The following ADD3 variants were observed in gnomAD, a reference collection of about 807,000 sequenced individuals.
The protein encoded by ADD3 is adducin 3.
Under a neutral mutation model 80.2 loss-of-function variants are expected in ADD3, and 25 were observed. The observed-to-expected ratio is 0.31, with a 90% CI of 0.23 to 0.44. The LOEUF (loss-of-function observed/expected upper bound fraction) is 0.44. Among genes scored for constraint, ADD3 ranks in the 20% least tolerant of loss-of-function variants. The pLI is 1.00. For synonymous variants in ADD3, 284 were observed against 289.6 expected (o/e 0.98, Z 0.20); for missense variants, 829 against 847.5 (o/e 0.98, Z 0.27).
chr10:110,130,217 C>T, intron 12 of ADD3, 146 bp from the exon 13 acceptor site: 1 of 780,994 alleles, frequency 1.3e-6, no homozygotes, highest in Non-Finnish European at 2.0e-6. Flanking sequence ...TTAAACAAAG[C>T]ATGTTACCTT....
intron 1 of ADD3, among the ~76,000 whole-genome samples, chr10:110,025,957 G>A (rs1159271299): frequency 6.6e-5 from 10 of 152,082 alleles, no homozygotes; most frequent in African/African-American, 2.2e-4. Flanking sequence ...ATTTGGGAAA[G>A]TTTTGTGAAG....
intron 1 of ADD3, among the ~76,000 whole-genome samples, chr10:110,032,222 A>G (rs764325856): frequency 3.3e-5 from 5 of 152,232 alleles, no homozygotes; most frequent in Non-Finnish European, 5.9e-5. Context: ...ATGTAATCCT[A>G]GGTCATCTCT....
chr10:110,092,893 T>A (rs1335996971), intron 1 of ADD3, among the ~76,000 whole-genome samples: 1 of 152,200 alleles, frequency 6.6e-6, no homozygotes, highest in East Asian at 1.9e-4. Flanking sequence ...AGAGTCTCAC[T>A]CTGTCACCCA....
chr10:110,024,776 T>C (rs1394011685), intron 1 of ADD3, among the ~76,000 whole-genome samples: 1 of 152,244 alleles, frequency 6.6e-6, no homozygotes, highest in Non-Finnish European at 1.5e-5. Context: ...TTAAACTTAC[T>C]ATTTGAATCA....
At chr10:110,123,690 A>G (rs1851795504) in intron 9 of ADD3, 1 of 221,038 alleles carries the variant, frequency 4.5e-6, no homozygotes, top group Admixed American at 5.1e-5. Context: ...CAGAGACTTA[A>G]ATGAGCACTG....
intron 5 of ADD3, among the ~76,000 whole-genome samples, chr10:110,118,096 CA>C (rs1446455024): frequency 6.0e-4 from 90 of 148,828 alleles, no homozygotes; most frequent in Non-Finnish European, 2.1e-4. Flanking sequence ...TAGATTTAAA[CA>C]AAGTTCAGCT....
At chr10:110,122,525 T>A (rs1490501588) in intron 9 of ADD3, among the ~76,000 whole-genome samples, 1 of 152,110 alleles carries the variant, frequency 6.6e-6, no homozygotes, top group Non-Finnish European at 1.5e-5. Flanking sequence ...CATAGTACAA[T>A]ATATCTCTTG....
chr10:109,997,681 T>G (rs1011634283), intron 1 of ADD3: 1 of 152,264 alleles, frequency 6.6e-6, no homozygotes, highest in Non-Finnish European at 1.5e-5. Context: ...GGAATGCCAT[T>G]GAATTCTTAA....
chr10:110,051,984 A>T (rs1465605400), intron 1 of ADD3, among the ~76,000 whole-genome samples: 2 of 152,066 alleles, frequency 1.3e-5, no homozygotes, highest in East Asian at 3.9e-4. Context: ...TTTTTCTTCT[A>T]GAGACAAGGT....
At position 110,000,219 on chromosome 10, in the gene ADD3, G is replaced by A. The variant is rs1366233371; in HGVS notation, n.79+3773G>A. Among the ~76,000 whole-genome samples, 8 of 152,190 alleles carry A rather than the reference G, an allele frequency of 5.3e-5. No individual in the cohort carries two copies. In the South Asian group the frequency reaches 1.4e-3, roughly 28 times the overall value. ...ATAGGCGTGAGCCACCGCACCTGGC[G>A]TCTTAAGGTTTTTTTAAATAATCCT... On this transcript the variant is annotated intron_variant and non_coding_transcript_variant, in intron 1 of 5. Transcript: ENST00000468251.
chr10:110,064,863 G>A (rs983197539), intron 1 of ADD3, among the ~76,000 whole-genome samples: 7 of 151,948 alleles, frequency 4.6e-5, no homozygotes, highest in Admixed American at 3.9e-4. Flanking sequence ...ATGTTTCCCA[G>A]CCTGGGCAAC....
At chr10:110,054,378 A>G (rs2133426177) in intron 1 of ADD3, among the ~76,000 whole-genome samples, 1 of 151,452 alleles carries the variant, frequency 6.6e-6, no homozygotes, top group East Asian at 1.9e-4. Flanking sequence ...GAAGCCCTAG[A>G]TTGATAATCT....
intron 1 of ADD3, among the ~76,000 whole-genome samples, chr10:110,069,025 C>A (rs1377882827): frequency 6.6e-6 from 1 of 151,888 alleles, no homozygotes; most frequent in Non-Finnish European, 1.5e-5. Flanking sequence ...CTGCAGTGAG[C>A]CATGATCATG....
At chr10:110,049,208 CGAGGATGTA>C (rs1379587920) in intron 1 of ADD3, among the ~76,000 whole-genome samples, 1 of 152,182 alleles carries the variant, frequency 6.6e-6, no homozygotes, top group African/African-American at 2.4e-5. Flanking sequence ...CTTAGATTTC[CGAGGATGTA>C]TGGAAACGCC....
intron 3 of ADD3, 54 bp downstream of exon 3, chr10:110,112,969 C>T (rs572186574): frequency 1.3e-6 from 2 of 1,558,884 alleles, no homozygotes; most frequent in African/African-American, 2.7e-5. Context: ...CACTTTGGAC[C>T]ACTATACATC....
chr10:110,087,676 G>C (rs925889768), intron 1 of ADD3, among the ~76,000 whole-genome samples: 4 of 152,156 alleles, frequency 2.6e-5, no homozygotes, highest in African/African-American at 9.7e-5. Flanking sequence ...TTGACGATTT[G>C]TTATTTCTGA....
At chr10:110,019,312 C>T (rs1272808970) in intron 1 of ADD3, among the ~76,000 whole-genome samples, 1 of 151,408 alleles carries the variant, frequency 6.6e-6, no homozygotes, top group Non-Finnish European at 1.5e-5. Context: ...AAAATTCTTA[C>T]TGTAACTCTA....
chr10:110,100,956 G>A, intron 2 of ADD3, 108 bp downstream of exon 2: 1 of 1,001,192 alleles, frequency 1.0e-6, no homozygotes, highest in Non-Finnish European at 1.4e-6. Context: ...GGTGGAGGAG[G>A]AGTGGTGACC....
chr10:110,092,019 A>T (rs980336325), intron 1 of ADD3, among the ~76,000 whole-genome samples: 11 of 152,234 alleles, frequency 7.2e-5, no homozygotes, highest in Non-Finnish European at 1.5e-4. Flanking sequence ...AGAAGTGCAG[A>T]TCAAAACCAC....
Sources: gnomAD v4.1 joint callset for allele counts (sites outside exome capture counted in the v4.1 genomes callset) on GRCh38, gnomAD v4.1.1 for gene constraint, MANE v1.5 for transcripts, NCBI Gene and HGNC (gene_info 2026-07-23, HGNC 2026-07-21) for gene names.